Variants in MGMT observed in about 807,000 individuals in gnomAD.
MGMT encodes methylated-DNA--protein-cysteine methyltransferase.
A neutral mutation model predicts 15.9 loss-of-function variants in MGMT; 14 were observed. The observed-to-expected ratio is 0.88, with a 90% confidence interval of 0.58 to 1.37. The LOEUF (loss-of-function observed/expected upper bound fraction) is 1.37, where lower values mean the gene tolerates loss of function less well. Ranked by LOEUF, MGMT falls within the 40% of genes most tolerant of loss-of-function variation. MGMT has a pLI of 0.00. For synonymous variants in MGMT, 130 were observed against 118.2 expected, an observed-to-expected ratio of 1.10 and a Z score of -0.65; for missense variants, 282 against 268.1, an observed-to-expected ratio of 1.05 and a Z score of -0.36.
intron 3 of MGMT, among the ~76,000 whole-genome samples, chr10:129,733,417 T>C (rs1036028182): frequency 6.6e-6 from 1 of 151,796 alleles, no homozygotes; most frequent in African/African-American, 2.4e-5. Flanking sequence ...TTTGTTTTTT[T>C]CTTGTAAATT....
chr10:129,575,946 A>G (rs1846477169), intron 2 of MGMT, among the ~76,000 whole-genome samples: 1 of 152,220 alleles, frequency 6.6e-6, no homozygotes, highest in Non-Finnish European at 1.5e-5. Context: ...AGAAATGGAT[A>G]AATTCCTCGA....
intron 2 of MGMT, among the ~76,000 whole-genome samples, chr10:129,574,446 A>G (rs1040772093): frequency 2.0e-5 from 3 of 152,256 alleles, no homozygotes; most frequent in Admixed American, 1.3e-4. Flanking sequence ...TTGCTAAGAT[A>G]TTAATGAATA....
chr10:129,547,278 G>A lies in MGMT; in HGVS notation c.125+10901G>A, dbSNP rs561898532. 5.9e-5 allele frequency among the ~76,000 whole-genome samples: 9 copies of A among 151,962 alleles called. No homozygotes were observed. In the South Asian group the frequency reaches 1.2e-3, roughly 21 times the overall value. On this transcript the variant is annotated intron_variant, in intron 2 of 4. Coordinates refer to ENST00000651593, the MANE Select transcript of MGMT (RefSeq NM_002412.5). Reference sequence around the variant, plus strand: ...TGGGGGCGTTAACCCACCTCTTCTCGTACAGGGTCATCTCTAGTTTCACTG... The same window carrying A: ...TGGGGGCGTTAACCCACCTCTTCTCATACAGGGTCATCTCTAGTTTCACTG...
rs565840149 is a variant in MGMT at position 129,492,841 on chromosome 10, C to T, written c.-13+25545C>T. ...GAACATTGGGCTGCCTCCATTAGTTCGTTTTGCTTGGAAATGAAAGTCCAT... is the reference window on the plus strand; with the variant it reads ...GAACATTGGGCTGCCTCCATTAGTTTGTTTTGCTTGGAAATGAAAGTCCAT... On this transcript the variant is annotated intron_variant, in intron 1 of 4. Transcript: ENST00000651593. Among the ~76,000 whole-genome samples the T allele has an allele frequency of 5.9e-5, 9 of 152,238 alleles. No individual in the cohort carries two copies. The South Asian group carries it at 8.3e-4, about 14-fold the overall frequency.
At chr10:129,655,313 C>G (rs1179540265) in intron 2 of MGMT, among the ~76,000 whole-genome samples, 1 of 152,190 alleles carries the variant, frequency 6.6e-6, no homozygotes, top group South Asian at 2.1e-4. Context: ...TCCGAGCATG[C>G]GGAGAAGTGG....
intron 1 of MGMT, among the ~76,000 whole-genome samples, chr10:129,519,803 G>A (rs746603748): frequency 5.3e-5 from 8 of 152,054 alleles, no homozygotes; most frequent in Admixed American, 3.3e-4. Context: ...ACTGGTGGCC[G>A]GCACATCAGT....
At chr10:129,526,273 G>C (rs897154591) in intron 1 of MGMT, among the ~76,000 whole-genome samples, 3 of 152,234 alleles carry the variant, frequency 2.0e-5, no homozygotes, top group African/African-American at 7.2e-5. Context: ...GGTGGGCTGA[G>C]CATGAGTCCT....
intron 3 of MGMT, among the ~76,000 whole-genome samples, chr10:129,738,886 A>G (rs1214025524): frequency 1.3e-5 from 2 of 152,242 alleles, no homozygotes; most frequent in Non-Finnish European, 1.5e-5. Context: ...CCTGATGAAC[A>G]TTGATGTGAA....
intron 1 of MGMT, among the ~76,000 whole-genome samples, chr10:129,513,016 T>G (rs1289916852): frequency 6.6e-6 from 1 of 152,132 alleles, no homozygotes; most frequent in Admixed American, 6.5e-5. Context: ...TATCTGTGAG[T>G]GAACAGATAC....
At chr10:129,619,253 G>T (rs1214142934) in intron 2 of MGMT, among the ~76,000 whole-genome samples, 1 of 152,160 alleles carries the variant, frequency 6.6e-6, no homozygotes, top group African/African-American at 2.4e-5. Flanking sequence ...ATGGAGAAAT[G>T]CAGTAATTGA....
At chr10:129,563,851 A>ACC in intron 2 of MGMT, 1 of 152,226 alleles carries the variant, frequency 6.6e-6, no homozygotes. Flanking sequence ...TCGGGAACGC[A>ACC]CTGCGTTAAT....
intron 3 of MGMT, among the ~76,000 whole-genome samples, chr10:129,740,218 C>A (rs563253467): frequency 6.6e-6 from 1 of 152,286 alleles, no homozygotes; most frequent in African/African-American, 2.4e-5. Flanking sequence ...CTCTCATTGA[C>A]CCCAGGATGC....
chr10:129,641,312 A>C (rs1847325885), intron 2 of MGMT, among the ~76,000 whole-genome samples: 1 of 152,248 alleles, frequency 6.6e-6, no homozygotes, highest in Non-Finnish European at 1.5e-5. Context: ...ATAACATTTA[A>C]AGAAATGGAG....
chr10:129,560,954 AGTGTGTGTGTGTGTGTGTGTGTGTGT>A (rs57984603), intron 2 of MGMT, among the ~76,000 whole-genome samples: 2 of 133,220 alleles, frequency 1.5e-5, no homozygotes, highest in African/African-American at 5.5e-5. Context: ...AGTAAAGAGC[AGTGTGTGTGTGTGTGTGTGTGTGTGT>A]GTGTGTGTGT....
intron 2 of MGMT, chr10:129,700,147 G>A (rs1003960995): frequency 2.0e-5 from 3 of 152,082 alleles, no homozygotes; most frequent in Non-Finnish European, 2.9e-5. Context: ...CAGTGCCATC[G>A]TCATCATCGT....
chr10:129,484,910 A>T (rs1589830843), intron 1 of MGMT, among the ~76,000 whole-genome samples: 1 of 151,834 alleles, frequency 6.6e-6, no homozygotes, highest in Non-Finnish European at 1.5e-5. Flanking sequence ...GTATGTGTAT[A>T]TATGTATGTG....
intron 2 of MGMT, chr10:129,700,759 T>C (rs1237839422): frequency 6.6e-6 from 1 of 152,240 alleles, no homozygotes; most frequent in Non-Finnish European, 1.5e-5. Flanking sequence ...TTCTTCAGTC[T>C]TACCCCTGAA....
Position 129,652,683 on chromosome 10 carries a change from CCT to C in MGMT, c.126-55211_126-55210del, listed in dbSNP as rs564122167. On this transcript the variant is annotated intron_variant, in intron 2 of 4. Transcript: ENST00000651593. Reference sequence around the variant, plus strand: ...TGTGGGGGCTTCTGTGGGAGAGGACCCTGTCCTCCGCACGTCAGCTGCCGGAG... The same window carrying C: ...TGTGGGGGCTTCTGTGGGAGAGGACCGTCCTCCGCACGTCAGCTGCCGGAG... 3.7e-4 allele frequency among the ~76,000 whole-genome samples: 56 copies of C among 152,274 alleles called. No homozygotes were observed. The East Asian group carries it at 0.01, about 28-fold the overall frequency.
intron 2 of MGMT, among the ~76,000 whole-genome samples, chr10:129,593,515 C>G (rs1441212981): frequency 6.6e-6 from 1 of 152,222 alleles, no homozygotes; most frequent in Non-Finnish European, 1.5e-5. Flanking sequence ...TGAACTACGT[C>G]AACGGAATTG....
Sources: allele counts gnomAD v4.1 joint callset (sites outside exome capture counted in the v4.1 genomes callset), GRCh38; gene constraint gnomAD v4.1.1; transcripts MANE v1.5; gene names NCBI Gene and HGNC (gene_info 2026-07-23, HGNC 2026-07-21).